Variants in ZNF484 observed in about 807,000 individuals in gnomAD.
ZNF484 encodes KRAB box containing C2H2 type zinc finger bA526D8.4.
In ZNF484, 11 loss-of-function variants were observed where a neutral mutation model predicts 12.9. The observed-to-expected ratio is 0.85, with a 90% confidence interval of 0.54 to 1.41. ZNF484 has a LOEUF of 1.41. Among genes scored for constraint, ZNF484 ranks in the 40% most tolerant of loss-of-function variants. The probability of loss-of-function intolerance (pLI) is 0.00; values close to 1 mark genes in which losing one functional copy is unlikely to be tolerated. For synonymous variants in ZNF484, 289 were observed against 334.1 expected (o/e 0.86, Z 1.47); for missense variants, 807 against 1,007.7 (o/e 0.80, Z 2.70).
intron 2 of ZNF484, among the ~76,000 whole-genome samples, chr9:92,862,752 T>C (rs560171476): frequency 6.6e-6 from 1 of 152,176 alleles, no homozygotes; most frequent in Non-Finnish European, 1.5e-5. Flanking sequence ...TAGATTTATG[T>C]TTACAACTGC....
At chr9:92,851,300 T>C (rs1243022573) in intron 4 of ZNF484, among the ~76,000 whole-genome samples, 1 of 152,238 alleles carries the variant, frequency 6.6e-6, no homozygotes, top group Non-Finnish European at 1.5e-5. Context: ...CAGGCCTCTA[T>C]CCAAAAGCTA....
At chr9:92,849,313 T>C (rs1045310600) in intron 4 of ZNF484, among the ~76,000 whole-genome samples, 8 of 151,908 alleles carry the variant, frequency 5.3e-5, no homozygotes, top group African/African-American at 1.2e-4. Flanking sequence ...AGAGAGACTA[T>C]ATAAATATAA....
chr9:92,848,260 T>C lies in ZNF484; in HGVS notation c.527A>G (p.His176Arg), dbSNP rs373000567. The part of the protein sequence containing the change: ...THLVSSRKRP[H>R]NCNSCGKNLE... ...ATTCTTTCCACACGAGTTACAGTTA[T>C]GGGGTCTTTTTCTTGAGGAAACCAG... The change falls in exon 5 of 5, where the codon CAT becomes CGT. Residue 176 changes from histidine (H) to arginine (R), a missense_variant. By Grantham distance (29) the His-to-Arg change is conservative (BLOSUM62 0). Transcript: ENST00000375495. The surrounding 1 kb of genome is among the most constrained non-coding windows in gnomAD (Gnocchi z 4.1). The C allele has an allele frequency of 7.4e-5, 120 of 1,614,018 alleles. No homozygotes were observed. Among genetic ancestry groups the C allele is most frequent in the Middle Eastern group, 1.6e-4 (1 of 6,084 alleles).
intron 2 of ZNF484, among the ~76,000 whole-genome samples, chr9:92,868,328 G>C (rs944124118): frequency 2.0e-5 from 3 of 152,174 alleles, no homozygotes; most frequent in African/African-American, 7.2e-5. Context: ...TTTCTTTAAA[G>C]AGCTGAAATG....
intron 1 of ZNF484, among the ~76,000 whole-genome samples, chr9:92,875,884 A>G (rs967813552): frequency 2.0e-5 from 3 of 152,242 alleles, no homozygotes; most frequent in Non-Finnish European, 4.4e-5. Context: ...CAGACTATTT[A>G]CAGAGGAAAA....
intron 2 of ZNF484, among the ~76,000 whole-genome samples, chr9:92,871,160 G>A (rs1401615582): frequency 6.6e-6 from 1 of 152,124 alleles, no homozygotes; most frequent in East Asian, 1.9e-4. Flanking sequence ...GGATTTTAAA[G>A]TAGTCCTCAT....
chr9:92,875,053 C>A lies in ZNF484; in HGVS notation c.-24G>T. ...ATTTTTGGCTCTTCGGACAAAGGGG[C>A]AGAAATCTGAGAAAACAGATGGGTA... On this transcript the variant is annotated 5_prime_UTR_variant, in exon 2 of 5. Transcript: ENST00000375495. 1 of 1,613,818 alleles carries A rather than the reference C, an allele frequency of 6.2e-7. No homozygotes were observed. The highest frequency in any genetic ancestry group is 1.1e-5 in the South Asian group (1 of 91,036).
chr9:92,875,178 C>A, intron 1 of ZNF484, 119 bp from the exon 2 acceptor site: 2 of 737,124 alleles, frequency 2.7e-6, no homozygotes, highest in Non-Finnish European at 4.3e-6. Context: ...TCTGGAACTA[C>A]CACATTAAAA....
intron 2 of ZNF484, among the ~76,000 whole-genome samples, chr9:92,856,960 G>A (rs1031969206): frequency 2.6e-5 from 4 of 152,140 alleles, no homozygotes; most frequent in African/African-American, 4.8e-5. Flanking sequence ...TCCTGACCTC[G>A]TGATCCGCCC....
intron 2 of ZNF484, among the ~76,000 whole-genome samples, chr9:92,864,330 C>T (rs139767085): frequency 1.9e-4 from 29 of 152,228 alleles, no homozygotes; most frequent in African/African-American, 6.7e-4. Context: ...CCCAACCTCA[C>T]CATGCTGCTG....
At chr9:92,855,786 A>G in intron 4 of ZNF484, 25 bp downstream of exon 4, 3 of 1,608,406 alleles carry the variant, frequency 1.9e-6, no homozygotes, top group South Asian at 1.1e-5. Flanking sequence ...CATACTGTCT[A>G]CCATGCTCTT....
At position 92,869,491 on chromosome 9, in the gene ZNF484, G is replaced by A. The variant is rs187086758; in HGVS notation, c.15+5524C>T. On this transcript the variant is annotated intron_variant, in intron 2 of 4. Coordinates refer to ENST00000375495, the MANE Select transcript of ZNF484 (RefSeq NM_031486.4). ...AATTCCAGCACTTTGGGAGGCTAAG[G>A]TGGGCAGATCGCTTGAGCCCAGGAG... Among the ~76,000 whole-genome samples, 134 of 152,314 alleles carry A rather than the reference G, an allele frequency of 8.8e-4. No individual in the cohort carries two copies. The Middle Eastern group carries it at 0.017, about 19-fold the overall frequency.
Position 92,848,241 on chromosome 9 carries a change from T to C in ZNF484, c.546A>G (p.Gly182=), listed in dbSNP as rs774130401. 9 of 1,614,216 alleles carry C rather than the reference T, an allele frequency of 5.6e-6. No individual in the cohort carries two copies. The South Asian group carries it at 8.8e-5, about 16-fold the overall frequency. The change falls in exon 5 of 5, where the codon GGA becomes GGG. Residue 182 remains glycine (G), a synonymous_variant. Transcript: ENST00000375495. This position sits in a 1 kb window ranked among gnomAD's most constrained non-coding sequence, Gnocchi z 4.1. ...RKRPHNCNSC[G]KNLEPIITLY... is the part of the protein sequence containing the mutation. ...AGGTTATGATAGGCTCCAAATTCTTTCCACACGAGTTACAGTTATGGGGTC... is the reference window on the plus strand; with the variant it reads ...AGGTTATGATAGGCTCCAAATTCTTCCCACACGAGTTACAGTTATGGGGTC...
intron 2 of ZNF484, among the ~76,000 whole-genome samples, chr9:92,873,134 T>C (rs1039027581): frequency 6.6e-6 from 1 of 152,052 alleles, no homozygotes; most frequent in East Asian, 1.9e-4. Flanking sequence ...CAGAGAGAGA[T>C]TCTCTCTCCA....
At chr9:92,868,542 A>G (rs560452564) in intron 2 of ZNF484, among the ~76,000 whole-genome samples, 33 of 152,306 alleles carry the variant, frequency 2.2e-4, no homozygotes, top group Admixed American at 5.2e-4. Context: ...AAGAAAAGAC[A>G]TTTATTTGGC....
At chr9:92,869,329 C>T (rs1368435638) in intron 2 of ZNF484, among the ~76,000 whole-genome samples, 6 of 151,986 alleles carry the variant, frequency 3.9e-5, no homozygotes, top group African/African-American at 1.4e-4. Context: ...TCAGGTAAAA[C>T]AAAAAGCACT....
chr9:92,860,473 G>A (rs887225711), intron 2 of ZNF484, among the ~76,000 whole-genome samples: 3 of 151,698 alleles, frequency 2.0e-5, no homozygotes, highest in South Asian at 2.1e-4. Flanking sequence ...GCATGGTGGC[G>A]GGCGCCTGTA....
At chr9:92,849,485 T>C (rs1410064230) in intron 4 of ZNF484, among the ~76,000 whole-genome samples, 1 of 151,700 alleles carries the variant, frequency 6.6e-6, no homozygotes, top group Non-Finnish European at 1.5e-5. Flanking sequence ...TCTATATTAA[T>C]TCACTTAAAC....
At position 92,848,679 on chromosome 9, in the gene ZNF484, G is replaced by A. The variant is rs1171040126; in HGVS notation, c.236-128C>T. On this transcript the variant is annotated intron_variant, in intron 4 of 4. Transcript: ENST00000375495. The surrounding 1 kb of genome is among the most constrained non-coding windows in gnomAD (Gnocchi z 4.1). The stretch of plus-strand genomic sequence containing the variant: ...GAGGTGGGCAGATCACTTGAGGCCA[G>A]GAGTTTGAGACCAGCCTGGCCAGCA... 1 of 771,914 alleles carries A rather than the reference G, an allele frequency of 1.3e-6. No individual in the cohort carries two copies. The highest frequency in any genetic ancestry group is 2.0e-6 in the Non-Finnish European group (1 of 508,646). 47.8% of individuals were successfully genotyped at this position (771,914 alleles called of 1,614,324 possible).
Sources: gnomAD v4.1 joint callset for allele counts (sites outside exome capture counted in the v4.1 genomes callset) on GRCh38, gnomAD v4.1.1 for gene constraint, Gnocchi (gnomAD v3.1) non-coding constraint, MANE v1.5 for transcripts, NCBI Gene and HGNC (gene_info 2026-07-23, HGNC 2026-07-21) for gene names.